SMYD3: variants seen among roughly 807,000 people sequenced by gnomAD.
SMYD3 encodes histone-lysine N-methyltransferase SMYD3.
Under a neutral mutation model 57.7 loss-of-function variants are expected in SMYD3, and 36 were observed. The ratio of observed to expected loss-of-function variants is 0.62; its 90% CI spans 0.48 to 0.82. The LOEUF (loss-of-function observed/expected upper bound fraction) is 0.82. SMYD3 is among the 40% of genes least tolerant of loss of function. The pLI is 0.00. For missense variants in SMYD3, 515 were observed against 538.8 expected (o/e 0.96, Z 0.44); for synonymous variants, 211 against 195.0 (o/e 1.08, Z -0.68).
At chr1:246,046,417 T>C (rs181371183) in intron 5 of SMYD3, among the ~76,000 whole-genome samples, 18 of 151,950 alleles carry the variant, frequency 1.2e-4, no homozygotes, top group Non-Finnish European at 1.9e-4. Flanking sequence ...TAGGTGGGAA[T>C]TGAACAATGA....
intron 1 of SMYD3, among the ~76,000 whole-genome samples, chr1:246,436,519 G>T (rs12088390): frequency 0.081 from 12,295 of 152,156 alleles, 828 homozygotes; most frequent in African/African-American, 0.18. Context: ...GTAATACATA[G>T]AAAGTATCTA....
chr1:246,242,317 C>T (rs1425532838), intron 5 of SMYD3, among the ~76,000 whole-genome samples: 5 of 152,184 alleles, frequency 3.3e-5, no homozygotes, highest in Admixed American at 6.5e-5. Flanking sequence ...TTTCAAAGAA[C>T]ATCTTTATTT....
chr1:245,835,791 G>C (rs572174833), intron 10 of SMYD3, among the ~76,000 whole-genome samples: 4 of 152,326 alleles, frequency 2.6e-5, no homozygotes, highest in East Asian at 3.9e-4. Context: ...GCGCCCTGAT[G>C]CAAGTCCTTC....
intron 10 of SMYD3, among the ~76,000 whole-genome samples, chr1:245,804,790 T>G (rs1016096757): frequency 4.6e-5 from 7 of 152,126 alleles, no homozygotes; most frequent in Admixed American, 2.6e-4. Context: ...CATCTTGAAG[T>G]TGGAGCGAGC....
chr1:246,346,744 C>T (rs572992234), intron 2 of SMYD3, among the ~76,000 whole-genome samples: 21 of 152,214 alleles, frequency 1.4e-4, no homozygotes, highest in Admixed American at 5.2e-4. Context: ...TTATGGGAAC[C>T]ACAATTCAAG....
rs373512978 is a variant in SMYD3 at position 245,878,802 on chromosome 1, T to C, written c.814-14916A>G. On this transcript the variant is annotated intron_variant, in intron 8 of 11. Transcript: ENST00000490107. ...CTGCAGGAATATACTGTTGATGTCA[T>C]CAGCAGTTGGAGGGTTGGAGAGGGA... 5.3e-5 allele frequency among the ~76,000 whole-genome samples: 8 copies of C among 152,254 alleles called. No individual in the cohort carries two copies. In the East Asian group the frequency reaches 9.7e-4, roughly 18 times the overall value.
chr1:245,851,003 C>T (rs770020959), intron 10 of SMYD3, among the ~76,000 whole-genome samples: 8 of 151,894 alleles, frequency 5.3e-5, no homozygotes, highest in Non-Finnish European at 1.2e-4. Context: ...AAATCAGAGG[C>T]ACTAGATTCT....
chr1:246,298,609 G>A (rs985784497), intron 5 of SMYD3, among the ~76,000 whole-genome samples: 1 of 151,872 alleles, frequency 6.6e-6, no homozygotes, highest in Admixed American at 6.6e-5. Context: ...AAACTTTCTG[G>A]ACCTAACAGC....
intron 5 of SMYD3, among the ~76,000 whole-genome samples, chr1:246,063,078 A>G (rs982139152): frequency 1.3e-5 from 2 of 152,170 alleles, no homozygotes; most frequent in Non-Finnish European, 2.9e-5. Context: ...TCAGTTATCT[A>G]CTAGGCAGAC....
intron 5 of SMYD3, among the ~76,000 whole-genome samples, chr1:246,274,421 C>T (rs1042053665): frequency 6.6e-6 from 1 of 152,320 alleles, no homozygotes; most frequent in African/African-American, 2.4e-5. Context: ...GATGTCAGCA[C>T]ACTGACATTC....
intron 5 of SMYD3, among the ~76,000 whole-genome samples, chr1:246,041,829 A>T (rs1025808140): frequency 3.3e-5 from 5 of 151,496 alleles, no homozygotes; most frequent in African/African-American, 1.2e-4. Context: ...AAAAAAAAAA[A>T]GGGTGACTAA....
chr1:246,261,973 C>A (rs923135132), intron 5 of SMYD3, among the ~76,000 whole-genome samples: 1 of 152,150 alleles, frequency 6.6e-6, no homozygotes, highest in African/African-American at 2.4e-5. Context: ...GTTCAAATTC[C>A]AATACCTACT....
At chr1:245,882,708 G>A (rs1171176405) in intron 8 of SMYD3, among the ~76,000 whole-genome samples, 2 of 152,256 alleles carry the variant, frequency 1.3e-5, no homozygotes, top group Non-Finnish European at 1.5e-5. Context: ...TGACATGTAT[G>A]TATTTTGTGA....
rs567678944 is a variant in SMYD3 at position 245,946,180 on chromosome 1, T to C, written c.532-16243A>G. 4.8e-4 allele frequency among the ~76,000 whole-genome samples: 73 copies of C among 152,164 alleles called. 1 individual carries two copies. In the South Asian group the frequency reaches 0.014, roughly 29 times the overall value. Reference sequence around the variant, plus strand: ...TAGTACTGCCTGAAATACCACAATTTAGGTTTTTTCTCTGAAGAGCCAGAA... The same window carrying C: ...TAGTACTGCCTGAAATACCACAATTCAGGTTTTTTCTCTGAAGAGCCAGAA... On this transcript the variant is annotated intron_variant, in intron 5 of 11. Transcript: ENST00000490107.
At chr1:245,813,053 T>A (rs6605252) in intron 10 of SMYD3, among the ~76,000 whole-genome samples, 2 of 139,046 alleles carry the variant, frequency 1.4e-5, no homozygotes, top group African/African-American at 5.5e-5. Context: ...CTCGCTCTGT[T>A]GCCCAGGCTG....
rs200344254 is a variant in SMYD3 at position 246,269,544 on chromosome 1, T to C, written c.531+57657A>G. 1.0e-3 allele frequency among the ~76,000 whole-genome samples: 123 copies of C among 117,594 alleles called. 5 individuals are homozygous for C. The East Asian group carries it at 0.033, about 31-fold the overall frequency. The allele number at this position is 117,594 out of a possible 152,430, so 77.1% of individuals were successfully genotyped here. A position where few individuals can be genotyped will look rare whatever the true frequency, so the allele number is the denominator to read the frequency against. Reference sequence around the variant, plus strand: ...TTTTCTTTCTGTTTCTTTTTTTTTCTTTTTTTTTTTTGTTTTTGTTGTTTT... The same window carrying C: ...TTTTCTTTCTGTTTCTTTTTTTTTCCTTTTTTTTTTTGTTTTTGTTGTTTT... On this transcript the variant is annotated intron_variant, in intron 5 of 11. Coordinates refer to ENST00000490107, the MANE Select transcript of SMYD3 (RefSeq NM_001167740.2).
intron 5 of SMYD3, among the ~76,000 whole-genome samples, chr1:246,163,992 G>T (rs1214531574): frequency 6.6e-6 from 1 of 152,160 alleles, no homozygotes; most frequent in African/African-American, 2.4e-5. Flanking sequence ...GAGGGAAGGT[G>T]CCATTTTGAC....
intron 1 of SMYD3, among the ~76,000 whole-genome samples, chr1:246,366,676 G>A (rs1037587105): frequency 1.3e-5 from 2 of 151,980 alleles, no homozygotes; most frequent in African/African-American, 4.8e-5. Context: ...AGGCACGGTA[G>A]CTCACGCCTG....
intron 10 of SMYD3, among the ~76,000 whole-genome samples, chr1:245,775,875 C>G (rs1049764703): frequency 1.3e-5 from 2 of 152,010 alleles, no homozygotes; most frequent in Non-Finnish European, 2.9e-5. Flanking sequence ...GAATTTCTAA[C>G]ATTTTAGTTG....
Sources: allele counts gnomAD v4.1 joint callset (sites outside exome capture counted in the v4.1 genomes callset), GRCh38; gene constraint gnomAD v4.1.1; transcripts MANE v1.5; gene names NCBI Gene and HGNC (gene_info 2026-07-23, HGNC 2026-07-21).